EYA2: variants seen among roughly 807,000 people sequenced by gnomAD.
EYA2 encodes the protein protein phosphatase EYA2.
In EYA2, 31 loss-of-function variants were observed where a neutral mutation model predicts 69.2. That is an observed-to-expected ratio of 0.45 (90% CI 0.34 to 0.60). The LOEUF is 0.60. Ranked by LOEUF, EYA2 falls within the 20% of genes least tolerant of loss-of-function variation. The pLI, the probability that EYA2 is intolerant of heterozygous loss-of-function variation, is 0.02. For missense variants in EYA2, 622 were observed against 701.2 expected (o/e 0.89, Z 1.28); for synonymous variants, 257 against 279.4 (o/e 0.92, Z 0.80).
intron 1 of EYA2, among the ~76,000 whole-genome samples, chr20:46,987,307 A>G (rs1042618390): frequency 1.1e-4 from 17 of 152,194 alleles, no homozygotes; most frequent in African/African-American, 3.9e-4. Flanking sequence ...ACATATTATG[A>G]AATAGTATCC....
At chr20:46,952,089 G>A (rs1342588637) in intron 1 of EYA2, among the ~76,000 whole-genome samples, 1 of 152,230 alleles carries the variant, frequency 6.6e-6, no homozygotes, top group Non-Finnish European at 1.5e-5. Context: ...CGTGTGTAAT[G>A]AATGTGTCCG....
chr20:47,004,304 T>C, intron 3 of EYA2, among the ~76,000 whole-genome samples: 1 of 152,228 alleles, frequency 6.6e-6, no homozygotes, highest in South Asian at 2.1e-4. Flanking sequence ...CAGAGTCTGA[T>C]TGGATGATCT....
intron 9 of EYA2, among the ~76,000 whole-genome samples, chr20:47,141,405 T>A (rs1275890494): frequency 6.6e-6 from 1 of 152,230 alleles, no homozygotes. Flanking sequence ...TCAGCAATTC[T>A]GATTTTATTG....
intron 1 of EYA2, among the ~76,000 whole-genome samples, chr20:46,896,424 CAAAG>C (rs1165472444): frequency 6.6e-6 from 1 of 151,162 alleles, no homozygotes; most frequent in African/African-American, 2.4e-5. Flanking sequence ...AAGAGGTACA[CAAAG>C]AAAGAGTGGG....
At chr20:47,047,279 G>A (rs985743447) in intron 5 of EYA2, among the ~76,000 whole-genome samples, 15 of 152,148 alleles carry the variant, frequency 9.9e-5, no homozygotes, top group East Asian at 1.9e-4. Flanking sequence ...ACTCCTAGGC[G>A]AGGGGCAGCA....
chr20:47,166,539 A>AT (rs2034199754), intron 10 of EYA2, among the ~76,000 whole-genome samples: 3 of 151,016 alleles, frequency 2.0e-5, no homozygotes, highest in South Asian at 2.1e-4. Context: ...GTTACAACCA[A>AT]TTTTTTCTCA....
chr20:47,055,641 T>C (rs2030576600), intron 5 of EYA2, among the ~76,000 whole-genome samples: 1 of 152,158 alleles, frequency 6.6e-6, no homozygotes, highest in Non-Finnish European at 1.5e-5. Context: ...TCCTTACCCC[T>C]CAGGGTCTTT....
At chr20:47,118,138 A>T (rs571634647) in intron 9 of EYA2, among the ~76,000 whole-genome samples, 2 of 152,384 alleles carry the variant, frequency 1.3e-5, no homozygotes, top group Non-Finnish European at 2.9e-5. Flanking sequence ...GTAGATGTGG[A>T]TTAAGTCAAG....
intron 15 of EYA2, among the ~76,000 whole-genome samples, chr20:47,186,605 C>T (rs1177114446): frequency 6.6e-6 from 1 of 151,942 alleles, no homozygotes; most frequent in Non-Finnish European, 1.5e-5. Context: ...GTAGTCCACC[C>T]GCCTTGGCCT....
intron 5 of EYA2, among the ~76,000 whole-genome samples, chr20:47,022,212 C>T (rs1983796983): frequency 6.6e-6 from 1 of 152,176 alleles, no homozygotes; most frequent in Non-Finnish European, 1.5e-5. Context: ...CTGAGAAGCC[C>T]TGGATGTCAT....
At chr20:46,982,012 T>A (rs1039497221) in intron 1 of EYA2, among the ~76,000 whole-genome samples, 3 of 152,216 alleles carry the variant, frequency 2.0e-5, no homozygotes, top group Non-Finnish European at 4.4e-5. Flanking sequence ...AAGTTTACTA[T>A]AAATTAGTAC....
intron 1 of EYA2, among the ~76,000 whole-genome samples, chr20:46,973,483 C>T (rs1386619022): frequency 1.3e-5 from 2 of 152,166 alleles, no homozygotes; most frequent in African/African-American, 4.8e-5. Flanking sequence ...GGACTGTGTT[C>T]ACGATGACAC....
chr20:47,023,438 A>C (rs4809613), intron 5 of EYA2, among the ~76,000 whole-genome samples: 3 of 151,600 alleles, frequency 2.0e-5, no homozygotes, highest in African/African-American at 7.3e-5. Flanking sequence ...AGATCTGTGG[A>C]TTTATCATTT....
rs192857882 is a variant in EYA2, at chr20:46,979,973, G to A, written c.-10-10028G>A. ...GAAATAACTTGCCCAAGGTTACACC[G>A]CTGATAACGACATAGCTGGGATTTG... On this transcript the variant is annotated intron_variant, in intron 1 of 15. Coordinates refer to ENST00000327619, the MANE Select transcript of EYA2 (RefSeq NM_005244.5). Among the ~76,000 whole-genome samples, 14 of 152,246 alleles carry A rather than the reference G, an allele frequency of 9.2e-5. No homozygotes were observed. The East Asian group carries it at 9.6e-4, about 10-fold the overall frequency.
chr20:46,966,767 A>G (rs547512760), intron 1 of EYA2, among the ~76,000 whole-genome samples: 1 of 151,832 alleles, frequency 6.6e-6, no homozygotes, highest in South Asian at 2.1e-4. Context: ...TCGGTATCAT[A>G]TTGTGCCACT....
At chr20:46,949,904 C>A (rs1978695004) in intron 1 of EYA2, among the ~76,000 whole-genome samples, 1 of 152,192 alleles carries the variant, frequency 6.6e-6, no homozygotes, top group Non-Finnish European at 1.5e-5. Context: ...CTGCAACTGC[C>A]CTATGAAGTA....
At chr20:46,989,898 G>A in intron 1 of EYA2, 103 bp from the exon 2 acceptor site, 1 of 581,908 alleles carries the variant, frequency 1.7e-6, no homozygotes. Context: ...TCTGGGTTTA[G>A]GTAATCAGTT....
chr20:47,117,765 AC>A, intron 9 of EYA2: 1 of 876,058 alleles, frequency 1.1e-6, no homozygotes, highest in Non-Finnish European at 1.4e-6. Context: ...AATTCAGAGG[AC>A]CACAGATTCT....
At chr20:47,134,830 A>G (rs889673106) in intron 9 of EYA2, among the ~76,000 whole-genome samples, 1 of 152,190 alleles carries the variant, frequency 6.6e-6, no homozygotes, top group Non-Finnish European at 1.5e-5. Flanking sequence ...AACTTTATTT[A>G]CAAAAACAGA....
Sources: gnomAD v4.1 joint callset for allele counts (sites outside exome capture counted in the v4.1 genomes callset) on GRCh38, gnomAD v4.1.1 for gene constraint, MANE v1.5 for transcripts, NCBI Gene and HGNC (gene_info 2026-07-23, HGNC 2026-07-21) for gene names.